Variants in ZFHX3 observed in about 807,000 individuals in gnomAD.
ZFHX3 encodes the protein zinc finger homeobox 3.
A neutral mutation model predicts 279.1 loss-of-function variants in ZFHX3; 42 were observed. That is an observed-to-expected ratio of 0.15 (90% confidence interval 0.12 to 0.19). ZFHX3 has a LOEUF of 0.19. Among genes scored for constraint, ZFHX3 ranks in the 10% least tolerant of loss-of-function variants. ZFHX3 has a pLI of 1.00. For missense variants in ZFHX3, 4,981 were observed against 4,754.0 expected, an observed-to-expected ratio of 1.05 and a Z score of -1.40; for synonymous variants, 2,293 against 1,957.8, an observed-to-expected ratio of 1.17 and a Z score of -4.52.
intron 3 of ZFHX3, among the ~76,000 whole-genome samples, chr16:73,364,490 G>A (rs1203703622): frequency 6.6e-6 from 1 of 152,096 alleles, no homozygotes. Flanking sequence ...CAGGGAGACA[G>A]AGATTATATG....
At chr16:73,840,923 A>G (rs1289463768) in intron 1 of ZFHX3, among the ~76,000 whole-genome samples, 1 of 152,214 alleles carries the variant, frequency 6.6e-6, no homozygotes, top group Non-Finnish European at 1.5e-5. Flanking sequence ...TCCAAACAAC[A>G]GGAAGAGGAA....
In ZFHX3 at chr16:73,391,811, T is replaced by C. The variant is rs528022686; in HGVS notation, c.-1291+64192A>G. Among the ~76,000 whole-genome samples the C allele has an allele frequency of 5.9e-5, 9 of 152,228 alleles. No homozygotes were observed. The South Asian group carries it at 8.3e-4, about 14-fold the overall frequency. Reference sequence around the variant, plus strand: ...TCATAAGAAGACAAAATTAGTAGAATGCCCAATATATCTGGATACATTGAG... The same window carrying C: ...TCATAAGAAGACAAAATTAGTAGAACGCCCAATATATCTGGATACATTGAG... On this transcript the variant is annotated intron_variant, in intron 3 of 17. Transcript: ENST00000641206.
At chr16:73,776,398 T>G (rs1023548695) in intron 1 of ZFHX3, among the ~76,000 whole-genome samples, 2 of 152,134 alleles carry the variant, frequency 1.3e-5, no homozygotes, top group African/African-American at 2.4e-5. Context: ...CTAACTGCTG[T>G]GGTTTAAAAA....
chr16:73,677,395 G>A (rs1049907959), intron 2 of ZFHX3, among the ~76,000 whole-genome samples: 1 of 151,686 alleles, frequency 6.6e-6, no homozygotes, highest in Non-Finnish European at 1.5e-5. Context: ...AAAAATCATA[G>A]CAAAGTTCAT....
intron 3 of ZFHX3, among the ~76,000 whole-genome samples, chr16:73,381,509 T>C (rs559044293): frequency 4.2e-4 from 64 of 152,308 alleles, no homozygotes; most frequent in African/African-American, 1.3e-3. Flanking sequence ...TTAGGATACA[T>C]TGGAATTTCA....
intron 8 of ZFHX3, among the ~76,000 whole-genome samples, chr16:73,066,237 G>T (rs2144749805): frequency 6.6e-6 from 1 of 151,520 alleles, no homozygotes; most frequent in East Asian, 2.0e-4. Flanking sequence ...CGTGAGACGC[G>T]CCCTTCTCGT....
At chr16:73,060,788 G>GA (rs1259195324), upstream of ZFHX3, 6 of 152,128 alleles carry the variant, frequency 3.9e-5, no homozygotes, top group Admixed American at 3.3e-4. Context: ...TTTTTCTTGG[G>GA]AAAAAATGTT....
At chr16:72,913,852 G>A (rs1260234816) in intron 3 of ZFHX3, among the ~76,000 whole-genome samples, 1 of 152,216 alleles carries the variant, frequency 6.6e-6, no homozygotes, top group Non-Finnish European at 1.5e-5. Context: ...TCTCGACAAT[G>A]GAAATGAAGC....
intron 2 of ZFHX3, among the ~76,000 whole-genome samples, chr16:73,536,674 C>G (rs530845579): frequency 6.6e-6 from 1 of 152,144 alleles, no homozygotes. Flanking sequence ...CAGGACACAC[C>G]CAGGAAAACA....
intron 1 of ZFHX3, among the ~76,000 whole-genome samples, chr16:73,711,838 G>A (rs1198127479): frequency 6.6e-6 from 1 of 152,162 alleles, no homozygotes; most frequent in Non-Finnish European, 1.5e-5. Context: ...GGAGGCTCAG[G>A]AGAGAGCTCT....
At chr16:73,083,020 CTAAAAAAA>C (rs537566628) in intron 8 of ZFHX3, among the ~76,000 whole-genome samples, 3 of 43,880 alleles carry the variant, frequency 6.8e-5, no homozygotes, top group African/African-American at 9.5e-5. Context: ...TCCATCTCTA[CTAAAAAAA>C]AAAAAAAAAA....
chr16:73,610,107 A>G (rs2052229922), intron 2 of ZFHX3: 1 of 152,152 alleles, frequency 6.6e-6, no homozygotes, highest in Non-Finnish European at 1.5e-5. Flanking sequence ...TGCATTAGAG[A>G]AAACAGAAAG....
Position 72,959,008 on chromosome 16 carries a change from G to A in ZFHX3, c.1138C>T (p.Pro380Ser), listed in dbSNP as rs1961418096. The change falls in exon 2 of 10, where the codon CCA (proline) becomes TCA (serine). Residue 380 changes from proline to serine, a missense_variant. Physicochemically the swap from Pro to Ser is moderately conservative, Grantham distance 74. Coordinates refer to ENST00000268489, the MANE Select transcript of ZFHX3 (RefSeq NM_006885.4). ...TCGGGGCCAGCGGCGGAGCCCGCTG[G>A]GAGAGCTTCCTCCCCTTCCATTCGA... The part of the protein sequence containing the change: ...GIRMEGEEAL[P>S]AGSAAGPEQP... 1 of 1,611,024 alleles carries A rather than the reference G, an allele frequency of 6.2e-7. No individual in the cohort carries two copies. The highest frequency in any genetic ancestry group is 1.3e-5 in the African/African-American group (1 of 74,686).
chr16:73,393,495 C>T (rs973660656), intron 3 of ZFHX3, among the ~76,000 whole-genome samples: 1 of 152,176 alleles, frequency 6.6e-6, no homozygotes, highest in Non-Finnish European at 1.5e-5. Context: ...AAATTATGAA[C>T]TCAGATTTGA....
intron 2 of ZFHX3, among the ~76,000 whole-genome samples, chr16:73,616,376 G>C (rs893873089): frequency 2.1e-5 from 3 of 143,200 alleles, no homozygotes; most frequent in African/African-American, 5.3e-5. Flanking sequence ...CAGCTGTTTC[G>C]GGTCTAAGTG....
At chr16:72,930,768 A>G (rs1959748186) in intron 3 of ZFHX3, among the ~76,000 whole-genome samples, 1 of 152,256 alleles carries the variant, frequency 6.6e-6, no homozygotes, top group Admixed American at 6.5e-5. Flanking sequence ...AAGGAAGATT[A>G]CGGTTCTGGT....
At chr16:73,318,670 C>CA (rs2015508116) in intron 3 of ZFHX3, among the ~76,000 whole-genome samples, 1 of 152,146 alleles carries the variant, frequency 6.6e-6, no homozygotes, top group African/African-American at 2.4e-5. Context: ...TCTCATTTAG[C>CA]AAAAGGATAA....
chr16:73,838,108 C>T lies in ZFHX3; in HGVS notation c.-1608+53543G>A, dbSNP rs74647715. On this transcript the variant is annotated intron_variant, in intron 1 of 17. Coordinates refer to the ZFHX3 transcript ENST00000641206. ...ACCACTTGACACTAAGTGTTTGTCC[C>T]GTTAGAAATGTCAGAGAGTTGTCAG... Among the ~76,000 whole-genome samples, 141 of 152,282 alleles carry T rather than the reference C, an allele frequency of 9.3e-4. 2 individuals are homozygous for T. The East Asian group carries it at 0.025, about 27-fold the overall frequency.
intron 7 of ZFHX3, among the ~76,000 whole-genome samples, chr16:73,116,946 G>C (rs1016706980): frequency 6.6e-6 from 1 of 152,206 alleles, no homozygotes; most frequent in South Asian, 2.1e-4. Flanking sequence ...AAGCAAGGGG[G>C]ATGCATGTGC....
Sources: gnomAD v4.1 joint callset for allele counts (sites outside exome capture counted in the v4.1 genomes callset) on GRCh38, gnomAD v4.1.1 for gene constraint, MANE v1.5 for transcripts, NCBI Gene and HGNC (gene_info 2026-07-23, HGNC 2026-07-21) for gene names.